BCAT1: variants seen among roughly 807,000 people sequenced by gnomAD.
BCAT1 encodes the protein branched-chain-amino-acid aminotransferase, cytosolic.
A neutral mutation model predicts 52.4 loss-of-function variants in BCAT1; 48 were observed. That is an observed-to-expected ratio of 0.92 (90% CI 0.73 to 1.16). The LOEUF (loss-of-function observed/expected upper bound fraction) is 1.16. Ranked by LOEUF, BCAT1 falls within the 50% of genes most tolerant of loss-of-function variation. BCAT1 has a pLI of 0.00. For synonymous variants in BCAT1, 167 were observed against 161.3 expected (o/e 1.04, Z -0.27); for missense variants, 451 against 457.1 (o/e 0.99, Z 0.12).
chr12:24,840,380 G>T (rs990130559), intron 7 of BCAT1, among the ~76,000 whole-genome samples: 3 of 152,070 alleles, frequency 2.0e-5, no homozygotes, highest in East Asian at 3.9e-4. Flanking sequence ...GGGTTGAATC[G>T]GCCTATTATC....
intron 1 of BCAT1, among the ~76,000 whole-genome samples, chr12:24,935,280 C>T (rs915636953): frequency 1.3e-5 from 2 of 152,178 alleles, no homozygotes; most frequent in Non-Finnish European, 2.9e-5. Flanking sequence ...GATTTGTCCT[C>T]ACGTGGACAT....
At chr12:24,904,042 T>C (rs1943183627) in intron 1 of BCAT1, 1 of 152,300 alleles carries the variant, frequency 6.6e-6, no homozygotes, top group Middle Eastern at 3.4e-3. Flanking sequence ...TCTTATCAAC[T>C]CAGAAAACCT....
At chr12:24,935,452 C>T (rs951335263) in intron 1 of BCAT1, among the ~76,000 whole-genome samples, 8 of 152,114 alleles carry the variant, frequency 5.3e-5, no homozygotes, top group African/African-American at 1.2e-4. Flanking sequence ...CCCCGTCAGA[C>T]CCCTAGTCCA....
chr12:24,885,873 A>G (rs972449448), intron 3 of BCAT1, among the ~76,000 whole-genome samples: 3 of 152,192 alleles, frequency 2.0e-5, no homozygotes, highest in Admixed American at 6.5e-5. Flanking sequence ...ACAAAAATCA[A>G]CTTCTAGGAT....
At chr12:24,857,141 C>G (rs77875677) in intron 5 of BCAT1, among the ~76,000 whole-genome samples, 3,318 of 152,246 alleles carry the variant, frequency 0.022, 50 homozygotes, top group East Asian at 0.053. Context: ...TTCCTAGCTT[C>G]GGGAATGAGT....
At chr12:24,878,152 A>T (rs1053673992) in intron 5 of BCAT1, among the ~76,000 whole-genome samples, 6 of 152,130 alleles carry the variant, frequency 3.9e-5, no homozygotes, top group African/African-American at 1.4e-4. Context: ...GGCAAAAAAA[A>T]AAAACCAGAG....
chr12:24,901,633 T>C (rs948960473), intron 2 of BCAT1, among the ~76,000 whole-genome samples, 181 bp downstream of exon 2: 2 of 152,268 alleles, frequency 1.3e-5, no homozygotes, highest in Admixed American at 1.3e-4. Flanking sequence ...TTTGTTGTGA[T>C]GAATGTACTG....
intron 2 of BCAT1, among the ~76,000 whole-genome samples, chr12:24,898,646 G>T (rs2139667672): frequency 6.8e-6 from 1 of 148,142 alleles, no homozygotes; most frequent in Middle Eastern, 3.6e-3. Flanking sequence ...CTCCCAGGTA[G>T]CTGGGATTAC....
At chr12:24,886,936 G>GGGCA (rs1942678432) in intron 3 of BCAT1, among the ~76,000 whole-genome samples, 1 of 149,568 alleles carries the variant, frequency 6.7e-6, no homozygotes, top group African/African-American at 2.5e-5. Context: ...AGTGGCACGT[G>GGGCA]CCTGTAATCT....
intron 1 of BCAT1, chr12:24,945,553 A>G (rs892763624): frequency 6.6e-6 from 1 of 152,222 alleles, no homozygotes; most frequent in Non-Finnish European, 1.5e-5. Context: ...CCTGTGCTCA[A>G]AAAGAATGAT....
chr12:24,931,294 A>C (rs1943672103), intron 1 of BCAT1, among the ~76,000 whole-genome samples: 1 of 152,160 alleles, frequency 6.6e-6, no homozygotes, highest in African/African-American at 2.4e-5. Flanking sequence ...GATAACATTG[A>C]TGAGATCTTT....
chr12:24,825,395 T>C (rs2139344346), intron 10 of BCAT1, among the ~76,000 whole-genome samples: 1 of 152,212 alleles, frequency 6.6e-6, no homozygotes, highest in Middle Eastern at 3.4e-3. Flanking sequence ...GGCTGTACTA[T>C]TTATATTTCA....
In BCAT1 at chr12:24,817,986, C is replaced by T; in HGVS notation, c.*22G>A. The T allele has an allele frequency of 1.2e-6, 2 of 1,610,980 alleles. No individual in the cohort carries two copies. The highest frequency in any genetic ancestry group is 1.7e-6 in the Non-Finnish European group (2 of 1,177,616). On this transcript the variant is annotated 3_prime_UTR_variant, in exon 11 of 11. Transcript: ENST00000261192. Reference sequence around the variant, plus strand: ...CATACAGTTGGTATCCTCTATTTTCCATTGTATCCTCTATTTTCCATTCAG... The same window carrying T: ...CATACAGTTGGTATCCTCTATTTTCTATTGTATCCTCTATTTTCCATTCAG...
At chr12:24,832,486 C>T (rs1018732808) in intron 9 of BCAT1, among the ~76,000 whole-genome samples, 5 of 152,138 alleles carry the variant, frequency 3.3e-5, no homozygotes, top group Non-Finnish European at 5.9e-5. Context: ...AGAAGGATTG[C>T]GTGAGCCCAG....
At chr12:24,916,034 C>G (rs1418885578) in intron 1 of BCAT1, among the ~76,000 whole-genome samples, 1 of 152,122 alleles carries the variant, frequency 6.6e-6, no homozygotes, top group Non-Finnish European at 1.5e-5. Context: ...CAACACATGC[C>G]TGTAATCCCA....
intron 1 of BCAT1, among the ~76,000 whole-genome samples, chr12:24,917,409 C>G (rs1329315312): frequency 1.3e-5 from 2 of 152,132 alleles, no homozygotes; most frequent in Non-Finnish European, 2.9e-5. Context: ...GTCTCGATCT[C>G]CTGACCTCGT....
At chr12:24,900,209 T>A (rs1943062200) in intron 2 of BCAT1, among the ~76,000 whole-genome samples, 1 of 152,200 alleles carries the variant, frequency 6.6e-6, no homozygotes, top group South Asian at 2.1e-4. Flanking sequence ...ATAACTCATG[T>A]TTTGATGTGT....
chr12:24,852,518 ACGTG>A (rs1349652145), intron 5 of BCAT1, among the ~76,000 whole-genome samples: 3 of 152,172 alleles, frequency 2.0e-5, no homozygotes, highest in African/African-American at 7.2e-5. Flanking sequence ...AGTAACAATA[ACGTG>A]TTATGAAAAT....
chr12:24,867,645 G>A (rs1443481485), intron 5 of BCAT1, among the ~76,000 whole-genome samples: 2 of 152,162 alleles, frequency 1.3e-5, no homozygotes, highest in Admixed American at 6.5e-5. Context: ...TTAAACAAAA[G>A]CAAGTCAATG....
Sources: allele counts gnomAD v4.1 joint callset (sites outside exome capture counted in the v4.1 genomes callset), GRCh38; gene constraint gnomAD v4.1.1; transcripts MANE v1.5; gene names NCBI Gene and HGNC (gene_info 2026-07-23, HGNC 2026-07-21).